ARID2: variants seen among roughly 807,000 people sequenced by gnomAD.
ARID2 encodes AT-rich interaction domain 2.
A neutral mutation model predicts 184.6 loss-of-function variants in ARID2; 32 were observed. The observed-to-expected ratio is 0.17, with a 90% CI of 0.13 to 0.23. The LOEUF (loss-of-function observed/expected upper bound fraction) is 0.23. ARID2 is among the 10% of genes least tolerant of loss of function. The pLI, the probability that ARID2 is intolerant of heterozygous loss-of-function variation, is 1.00. For missense variants in ARID2, 1,696 were observed against 2,197.6 expected, an observed-to-expected ratio of 0.77 and a Z score of 4.56; for synonymous variants, 836 against 772.6, an observed-to-expected ratio of 1.08 and a Z score of -1.36.
intron 6 of ARID2, among the ~76,000 whole-genome samples, chr12:45,826,845 C>T (rs916858098): frequency 2.0e-5 from 3 of 152,140 alleles, no homozygotes; most frequent in Non-Finnish European, 4.4e-5. Context: ...ATACATCTAT[C>T]GAGTCTTTTC....
At position 45,730,025 on chromosome 12, in the gene ARID2, G is replaced by C. The variant is rs199908674; in HGVS notation, c.93-19G>C. The C allele has an allele frequency of 6.2e-7, 1 of 1,612,558 alleles. No individual in the cohort carries two copies. Among genetic ancestry groups the C allele is most frequent in the East Asian group, 2.2e-5 (1 of 44,780 alleles). On this transcript the variant is annotated intron_variant, in intron 1 of 20. Transcript: ENST00000334344. ...ACGGGGTCCCGGCTGACAAGTGCGGGGCTTTTTCTCTCCCGCAGGTCGCCT... is the reference window on the plus strand; with the variant it reads ...ACGGGGTCCCGGCTGACAAGTGCGGCGCTTTTTCTCTCCCGCAGGTCGCCT...
At chr12:45,816,228 A>G (rs1942800875) in intron 4 of ARID2, among the ~76,000 whole-genome samples, 1 of 152,200 alleles carries the variant, frequency 6.6e-6, no homozygotes, top group African/African-American at 2.4e-5. Context: ...TCCTGTGGAA[A>G]ATCTTAGTTG....
chr12:45,855,838 T>C (rs1943637386), intron 15 of ARID2, among the ~76,000 whole-genome samples: 1 of 152,092 alleles, frequency 6.6e-6, no homozygotes, highest in Non-Finnish European at 1.5e-5. Flanking sequence ...CACCTCAGCC[T>C]CCCAAGACTG....
intron 3 of ARID2, among the ~76,000 whole-genome samples, chr12:45,748,455 A>G (rs1345204044): frequency 6.6e-6 from 1 of 152,218 alleles, no homozygotes; most frequent in Non-Finnish European, 1.5e-5. Flanking sequence ...CTGAGTTTTC[A>G]GTGAGTCATA....
At chr12:45,818,968 T>A (rs1565607921) in intron 5 of ARID2, among the ~76,000 whole-genome samples, 1 of 152,208 alleles carries the variant, frequency 6.6e-6, no homozygotes, top group Non-Finnish European at 1.5e-5. Context: ...ACTTTGAAGA[T>A]ATAAATTTGA....
At chr12:45,842,312 CAT>C (rs1235170956) in intron 11 of ARID2, 2 of 142,358 alleles carry the variant, frequency 1.4e-5, no homozygotes, top group Non-Finnish European at 3.2e-5. Flanking sequence ...TATATACACA[CAT>C]GTATATGTAT....
intron 3 of ARID2, among the ~76,000 whole-genome samples, chr12:45,806,776 G>C (rs2138075761): frequency 6.6e-6 from 1 of 152,160 alleles, no homozygotes; most frequent in South Asian, 2.1e-4. Context: ...TCACATCAGT[G>C]TAGGTCCCTG....
At chr12:45,884,473 G>A (rs1424041831) in intron 16 of ARID2, among the ~76,000 whole-genome samples, 2 of 152,148 alleles carry the variant, frequency 1.3e-5, no homozygotes, top group Non-Finnish European at 2.9e-5. Context: ...CTTTTCAAAT[G>A]TGAACTACTG....
At chr12:45,735,445 G>GTT (rs1174072482) in intron 3 of ARID2, among the ~76,000 whole-genome samples, 2 of 151,386 alleles carry the variant, frequency 1.3e-5, no homozygotes, top group Non-Finnish European at 3.0e-5. Flanking sequence ...GTGTGTGTGT[G>GTT]TGTGTGTGTG....
At chr12:45,847,587 T>C (rs1403948055) in intron 12 of ARID2, among the ~76,000 whole-genome samples, 2 of 152,098 alleles carry the variant, frequency 1.3e-5, no homozygotes, top group Admixed American at 6.5e-5. Flanking sequence ...TTAAATTCTT[T>C]AGAAGATTAA....
intron 19 of ARID2, 31 bp from the exon 20 acceptor site, chr12:45,893,599 T>C (rs1156990440): frequency 1.2e-6 from 2 of 1,603,008 alleles, no homozygotes; most frequent in Admixed American, 1.8e-5. Context: ...ATGATTTAGA[T>C]CTTTATTCTT....
rs569175410 is a variant in ARID2 at position 45,878,013 on chromosome 12, G to A, written c.4923-13767G>A. 1.3e-4 allele frequency among the ~76,000 whole-genome samples: 20 copies of A among 152,210 alleles called. No homozygotes were observed. In the East Asian group the frequency reaches 3.9e-3, roughly 29 times the overall value. On this transcript the variant is annotated intron_variant, in intron 16 of 20. Transcript: ENST00000334344. ...CTGGATACAAAATTCTAGGTTAGTG[G>A]ATGTTTATCTTTCAACAGTTTAAAT...
Position 45,834,464 on chromosome 12 carries a change from G to A in ARID2, c.706-2125G>A, listed in dbSNP as rs188560221. On this transcript the variant is annotated intron_variant, in intron 6 of 20. Coordinates refer to ENST00000334344, the MANE Select transcript of ARID2 (RefSeq NM_152641.4). ...TCTATGTTGGCAGGCTGGGTACAGT[G>A]GCTCACGCCTGTAATCCCATGTAAT... Among the ~76,000 whole-genome samples, 80 of 152,270 alleles carry A rather than the reference G, an allele frequency of 5.3e-4. No individual in the cohort carries two copies. The East Asian group carries it at 0.015, about 28-fold the overall frequency.
At chr12:45,741,061 T>G (rs1366677786) in intron 3 of ARID2, among the ~76,000 whole-genome samples, 1 of 152,236 alleles carries the variant, frequency 6.6e-6, no homozygotes, top group East Asian at 1.9e-4. Flanking sequence ...CCCAGTAGTT[T>G]TAACATCCAC....
chr12:45,882,826 T>C (rs1413121629), intron 16 of ARID2, among the ~76,000 whole-genome samples: 1 of 152,220 alleles, frequency 6.6e-6, no homozygotes, highest in African/African-American at 2.4e-5. Flanking sequence ...TTATATGTTG[T>C]TTTCTGAAGT....
At chr12:45,754,083 GA>G (rs1592055971) in intron 3 of ARID2, among the ~76,000 whole-genome samples, 1 of 152,116 alleles carries the variant, frequency 6.6e-6, no homozygotes, top group African/African-American at 2.4e-5. Flanking sequence ...TGATTACTTG[GA>G]AAATAATGTT....
rs1944508012 is a variant in ARID2, at chr12:45,905,144, A to T, written c.*66A>T. ...CACATTTCACATACTGTTACTGAAG[A>T]AAGCACCAAGTCTTAATGGAACAAA... On this transcript the variant is annotated 3_prime_UTR_variant, in exon 21 of 21. Transcript: ENST00000334344. 1.3e-6 allele frequency: 2 copies of T among 1,520,096 alleles called. No individual in the cohort carries two copies. The highest frequency in any genetic ancestry group is 1.8e-6 in the Non-Finnish European group (2 of 1,120,442). 94.2% of individuals were successfully genotyped at this position (1,520,096 alleles called of 1,614,324 possible). A position where few individuals can be genotyped will look rare whatever the true frequency, so the allele number is the denominator to read the frequency against.
intron 3 of ARID2, among the ~76,000 whole-genome samples, chr12:45,753,248 A>G (rs1941500677): frequency 6.6e-6 from 1 of 151,874 alleles, no homozygotes; most frequent in Non-Finnish European, 1.5e-5. Context: ...GTGAGCTAAG[A>G]TTGTGCCAGT....
chr12:45,792,617 GT>G (rs968030065), intron 3 of ARID2, among the ~76,000 whole-genome samples: 2 of 151,892 alleles, frequency 1.3e-5, no homozygotes, highest in Non-Finnish European at 2.9e-5. Context: ...AGAGAGATAG[GT>G]TTTAAAAATT....
Sources: gnomAD v4.1 joint callset for allele counts (sites outside exome capture counted in the v4.1 genomes callset) on GRCh38, gnomAD v4.1.1 for gene constraint, MANE v1.5 for transcripts, NCBI Gene and HGNC (gene_info 2026-07-23, HGNC 2026-07-21) for gene names.